SLC5A10: variants seen among roughly 807,000 people sequenced by gnomAD.
SLC5A10 encodes sodium/mannose cotransporter SLC5A10.
In SLC5A10, 55 loss-of-function variants were observed where a neutral mutation model predicts 68.9. The ratio of observed to expected loss-of-function variants is 0.80; its 90% CI spans 0.64 to 1.00. SLC5A10 has a LOEUF of 1.00. Among genes scored for constraint, SLC5A10 ranks in the 50% least tolerant of loss-of-function variants. The pLI, the probability that SLC5A10 is intolerant of heterozygous loss-of-function variation, is 0.00. For synonymous variants in SLC5A10, 344 were observed against 344.8 expected, an observed-to-expected ratio of 1.00 and a Z score of 0.02; for missense variants, 732 against 819.3, an observed-to-expected ratio of 0.89 and a Z score of 1.30.
chr17:18,971,547 T>C lies in SLC5A10; in HGVS notation c.846+329T>C. On this transcript the variant is annotated intron_variant, in intron 8 of 14. Transcript: ENST00000395645. The surrounding 1 kb of genome is among the most constrained non-coding windows in gnomAD (Gnocchi z 5.5). Reference sequence around the variant, plus strand: ...ATGGGGCGGGCATTTTGGGCCAGTCTTGGGCTGCCGGGATCCGGAAGCAGG... The same window carrying C: ...ATGGGGCGGGCATTTTGGGCCAGTCCTGGGCTGCCGGGATCCGGAAGCAGG... The C allele has an allele frequency of 6.2e-7, 1 of 1,613,880 alleles. No individual in the cohort carries two copies. The highest frequency in any genetic ancestry group is 8.5e-7 in the Non-Finnish European group (1 of 1,180,010).
intron 9 of SLC5A10, among the ~76,000 whole-genome samples, chr17:18,985,452 A>G (rs559654978): frequency 6.6e-6 from 1 of 152,308 alleles, no homozygotes; most frequent in South Asian, 2.1e-4. Flanking sequence ...CCTGGGCCCA[A>G]AGGAGCTGGG....
Position 18,977,227 on chromosome 17 carries a change from G to A in SLC5A10, c.982+238G>A, listed in dbSNP as rs139486575. ...TGTGACCTCAAGGCTGTAAATGAAC[G>A]TCCCTGTGCCCCGCCTTTTCCTCAT... is the stretch of plus-strand genomic sequence containing the variant. On this transcript the variant is annotated intron_variant, in intron 9 of 14. Coordinates refer to ENST00000395645, the MANE Select transcript of SLC5A10 (RefSeq NM_001042450.4). The A allele has an allele frequency of 4.5e-4, 275 of 614,912 alleles. 1 individual carries two copies. The East Asian group carries it at 7.1e-3, about 16-fold the overall frequency. 38.1% of individuals were successfully genotyped at this position (614,912 alleles called of 1,614,324 possible). A position where few individuals can be genotyped will look rare whatever the true frequency, so the allele number is the denominator to read the frequency against.
chr17:18,976,305 G>A (rs1360140249), intron 8 of SLC5A10: 1 of 152,530 alleles, frequency 6.6e-6, no homozygotes, highest in East Asian at 1.9e-4. Context: ...GAAAGGCCTG[G>A]TTAGGATTTG....
At chr17:18,957,818 G>C (rs1209356162) in intron 1 of SLC5A10, among the ~76,000 whole-genome samples, 1 of 152,164 alleles carries the variant, frequency 6.6e-6, no homozygotes, top group Non-Finnish European at 1.5e-5. Context: ...TTGCAATGCT[G>C]CGCAACCATT....
intron 9 of SLC5A10, among the ~76,000 whole-genome samples, chr17:18,984,069 G>A (rs536041387): frequency 5.9e-5 from 9 of 152,316 alleles, no homozygotes; most frequent in Admixed American, 2.0e-4. Context: ...TTGGCCGGGC[G>A]CGGTGGCTCA....
At chr17:18,952,459 TG>T in intron 1 of SLC5A10, 143 bp downstream of exon 1, 1 of 998,954 alleles carries the variant, frequency 1.0e-6, no homozygotes, top group Non-Finnish European at 1.4e-6. Context: ...CCTCCCAGCC[TG>T]GGGTAGACTT....
At chr17:18,966,779 G>A (rs2042718981) in intron 5 of SLC5A10, among the ~76,000 whole-genome samples, 2 of 149,468 alleles carry the variant, frequency 1.3e-5, no homozygotes, top group Admixed American at 6.7e-5. Context: ...ACACTCTGCG[G>A]TTGCTCCTGG....
intron 9 of SLC5A10, chr17:18,979,116 A>C: frequency 1.8e-6 from 1 of 556,142 alleles, no homozygotes; most frequent in Non-Finnish European, 3.2e-6. Flanking sequence ...TAAGCAGCTC[A>C]GGAAGGCCCT....
At chr17:18,977,092 A>G (rs992363887) in intron 9 of SLC5A10, 103 bp downstream of exon 9, 2 of 1,507,998 alleles carry the variant, frequency 1.3e-6, no homozygotes, top group Non-Finnish European at 1.8e-6. Flanking sequence ...GATAGATGTG[A>G]ACTGTTCCCC....
chr17:18,973,504 G>A (rs1310876941), intron 8 of SLC5A10, among the ~76,000 whole-genome samples: 3 of 152,174 alleles, frequency 2.0e-5, no homozygotes, highest in African/African-American at 7.2e-5. Context: ...GGTGGATGCG[G>A]GGCCTCGGTC....
At chr17:18,978,066 C>T in intron 9 of SLC5A10, 1 of 1,517,558 alleles carries the variant, frequency 6.6e-7, no homozygotes, top group African/African-American at 1.4e-5. Flanking sequence ...TTCTGGGGAG[C>T]TTCCTCTTTG....
intron 9 of SLC5A10, among the ~76,000 whole-genome samples, chr17:19,005,076 G>T (rs1011228255): frequency 1.3e-5 from 2 of 152,208 alleles, no homozygotes; most frequent in East Asian, 3.8e-4. Flanking sequence ...ATCAACCCTG[G>T]CTGTGCCCAG....
intron 1 of SLC5A10, among the ~76,000 whole-genome samples, chr17:18,955,147 G>C (rs574102393): frequency 4.6e-4 from 70 of 150,618 alleles, no homozygotes; most frequent in Admixed American, 4.3e-3. Flanking sequence ...GCAATAGAAA[G>C]GGCTTCAGGT....
chr17:18,988,515 C>G, intron 9 of SLC5A10: 1 of 1,548,236 alleles, frequency 6.5e-7, no homozygotes, highest in East Asian at 2.3e-5. Context: ...CAGCCTCTCA[C>G]AGGTGCCCAC....
In SLC5A10 at chr17:19,021,105, G is replaced by C. The variant is rs1056124128; in HGVS notation, c.*674G>C. 2 of 152,388 alleles carry C rather than the reference G, an allele frequency of 1.3e-5. No individual in the cohort carries two copies. Among genetic ancestry groups the C allele is most frequent in the African/African-American group, 4.8e-5 (2 of 41,450 alleles). The allele number at this position is 152,388 out of a possible 1,614,324, so 9.4% of individuals were successfully genotyped here. On this transcript the variant is annotated 3_prime_UTR_variant, in exon 15 of 15. Transcript: ENST00000395645. The surrounding 1 kb of genome is among the most constrained non-coding windows in gnomAD (Gnocchi z 4.1). ...CCCACCTAGGTAGCCGTCCCATGTG[G>C]GATCCTGTAGGATCTCTAAAACCTA...
At chr17:18,969,027 C>G in intron 5 of SLC5A10, 25 bp from the exon 6 acceptor site, 2 of 1,601,778 alleles carry the variant, frequency 1.2e-6, no homozygotes, top group African/African-American at 1.3e-5. Context: ...ATAACAGTCC[C>G]ACACAAGGCT....
Position 18,969,078 on chromosome 17 carries a change from T to C in SLC5A10, c.480T>C (p.Phe160=), listed in dbSNP as rs765149044. The part of the protein sequence containing the change: ...ISLDLYAGAL[F]VHICLGWNFY... ...TGGACCTGTACGCGGGGGCTCTGTT[T>C]GTGCACATCTGCCTGGGCTGGAACT... Residue 160 remains phenylalanine (F), a synonymous_variant, in exon 6 of 15, where the codon TTT becomes TTC. Transcript: ENST00000395645. 5 of 1,613,920 alleles carry C rather than the reference T, an allele frequency of 3.1e-6. No individual in the cohort carries two copies. In the Admixed American group the frequency reaches 8.3e-5, roughly 27 times the overall value.
At position 19,004,092 on chromosome 17, in the gene SLC5A10, C is replaced by A; in HGVS notation, c.983-9318C>A. On this transcript the variant is annotated intron_variant, in intron 9 of 14. Transcript: ENST00000395645. The surrounding 1 kb of genome is among the most constrained non-coding windows in gnomAD (Gnocchi z 5.4). Reference sequence around the variant, plus strand: ...CCGGGGGTGGGTGGGCAAGGTCCAGCTCCTAGCTCCGGCCCAGCTGGGGCA... The same window carrying A: ...CCGGGGGTGGGTGGGCAAGGTCCAGATCCTAGCTCCGGCCCAGCTGGGGCA... 6.6e-7 allele frequency: 1 copy of A among 1,521,852 alleles called. No individual in the cohort carries two copies. Among genetic ancestry groups the A allele is most frequent in the Non-Finnish European group, 8.8e-7 (1 of 1,135,660 alleles). 94.3% of individuals were successfully genotyped at this position (1,521,852 alleles called of 1,614,324 possible).
At chr17:18,981,698 A>G (rs1332563305) in intron 9 of SLC5A10, among the ~76,000 whole-genome samples, 1 of 152,262 alleles carries the variant, frequency 6.6e-6, no homozygotes, top group East Asian at 1.9e-4. Flanking sequence ...CCTGTGGGAT[A>G]AACCATAGCC....
Sources: allele counts gnomAD v4.1 joint callset (sites outside exome capture counted in the v4.1 genomes callset), GRCh38; gene constraint gnomAD v4.1.1; non-coding constraint Gnocchi (gnomAD v3.1); transcripts MANE v1.5; gene names NCBI Gene and HGNC (gene_info 2026-07-23, HGNC 2026-07-21).